The following SCHIP1 variants were observed in gnomAD, a reference collection of about 807,000 sequenced individuals.
SCHIP1 encodes the protein schwannomin-interacting protein 1.
SCHIP1 carries 8 observed loss-of-function variants against 29.7 expected under a neutral mutation model. That is an observed-to-expected ratio of 0.27 (90% confidence interval 0.16 to 0.49). SCHIP1 has a LOEUF of 0.49. Ranked by LOEUF, SCHIP1 falls within the 20% of genes least tolerant of loss-of-function variation. The pLI is 0.99. For synonymous variants in SCHIP1, 76 were observed against 94.9 expected, an observed-to-expected ratio of 0.80 and a Z score of 1.16; for missense variants, 193 against 294.6, an observed-to-expected ratio of 0.66 and a Z score of 2.52.
At chr3:159,658,235 C>T in the SCHIP1 span, among the ~76,000 whole-genome samples, 4 of 152,276 alleles carry the variant, frequency 2.6e-5, no homozygotes, top group African/African-American at 7.2e-5. Flanking sequence ...CTGGCTTTTT[C>T]ACCAGTCCCC....
chr3:159,459,530 A>T, the SCHIP1 span, among the ~76,000 whole-genome samples: 2 of 147,066 alleles, frequency 1.4e-5, no homozygotes, highest in South Asian at 4.3e-4. Context: ...TGAACAAGTT[A>T]TTATAGTACC....
At chr3:159,386,817 A>G in the SCHIP1 span, 2 of 152,634 alleles carry the variant, frequency 1.3e-5, no homozygotes, top group African/African-American at 2.4e-5. Context: ...GGTCTTTACA[A>G]GATGGTCAGT....
the SCHIP1 span, among the ~76,000 whole-genome samples, chr3:159,405,218 T>C: frequency 0.37 from 55,720 of 151,948 alleles, 11,559 homozygotes; most frequent in East Asian, 0.49. Context: ...AATGCCTAAC[T>C]CTTCATTGCC....
At chr3:159,599,451 C>T in the SCHIP1 span, among the ~76,000 whole-genome samples, 1 of 152,092 alleles carries the variant, frequency 6.6e-6, no homozygotes, top group Non-Finnish European at 1.5e-5. Context: ...CATTCTTATG[C>T]CTTTGCACCC....
the SCHIP1 span, among the ~76,000 whole-genome samples, chr3:159,740,482 A>T: frequency 6.6e-6 from 1 of 152,168 alleles, no homozygotes; most frequent in African/African-American, 2.4e-5. Flanking sequence ...TTGCCAACCC[A>T]CAGCCTGTCT....
chr3:159,285,495 T>C, the SCHIP1 span, among the ~76,000 whole-genome samples: 1 of 152,146 alleles, frequency 6.6e-6, no homozygotes, highest in Non-Finnish European at 1.5e-5. Flanking sequence ...TTTTCACTAA[T>C]CAAGAGCTCA....
chr3:159,673,337 A>G, the SCHIP1 span, among the ~76,000 whole-genome samples: 2 of 152,228 alleles, frequency 1.3e-5, no homozygotes, highest in Non-Finnish European at 2.9e-5. Context: ...CACTTCAAAG[A>G]AAATGCACTG....
At chr3:159,310,347 G>A in the SCHIP1 span, among the ~76,000 whole-genome samples, 10 of 152,150 alleles carry the variant, frequency 6.6e-5, 1 homozygote, top group East Asian at 5.8e-4. Flanking sequence ...TCGCAGCCAT[G>A]TTACTTCATT....
the SCHIP1 span, among the ~76,000 whole-genome samples, chr3:159,474,044 T>C: frequency 7.2e-5 from 11 of 152,142 alleles, no homozygotes; most frequent in Non-Finnish European, 1.6e-4. Context: ...TGGACACTTA[T>C]TCACTCTGAA....
chr3:159,658,053 T>C, the SCHIP1 span, among the ~76,000 whole-genome samples: 5 of 152,224 alleles, frequency 3.3e-5, no homozygotes, highest in Non-Finnish European at 7.3e-5. Flanking sequence ...TGTTAGGTAC[T>C]AGAAAGAGCA....
At chr3:159,712,333 G>A in the SCHIP1 span, among the ~76,000 whole-genome samples, 4 of 152,142 alleles carry the variant, frequency 2.6e-5, no homozygotes, top group Non-Finnish European at 4.4e-5. Flanking sequence ...GTATTTTTAC[G>A]CAAAGATCAT....
the SCHIP1 span, among the ~76,000 whole-genome samples, chr3:159,668,573 G>T: frequency 6.6e-6 from 1 of 152,070 alleles, no homozygotes; most frequent in East Asian, 1.9e-4. Flanking sequence ...CTGGGCTTTT[G>T]CAAGTTCTTA....
the SCHIP1 span, among the ~76,000 whole-genome samples, chr3:159,489,273 T>C: frequency 1.6e-4 from 24 of 152,198 alleles, no homozygotes; most frequent in Non-Finnish European, 2.9e-4. Context: ...TCTCTGTGAA[T>C]TTGTGTTCTA....
chr3:159,684,208 C>T, the SCHIP1 span, among the ~76,000 whole-genome samples: 4 of 152,132 alleles, frequency 2.6e-5, no homozygotes, highest in African/African-American at 9.7e-5. Context: ...GACTAGAGAC[C>T]ACCCCTACAT....
At chr3:159,666,813 G>A in the SCHIP1 span, among the ~76,000 whole-genome samples, 1 of 152,200 alleles carries the variant, frequency 6.6e-6, no homozygotes, top group African/African-American at 2.4e-5. Context: ...TGGCCAGAGA[G>A]CAATGGTGAG....
At chr3:159,498,669 A>T in the SCHIP1 span, among the ~76,000 whole-genome samples, 2 of 145,316 alleles carry the variant, frequency 1.4e-5, no homozygotes, top group South Asian at 2.2e-4. Flanking sequence ...CACTTTGCCT[A>T]AAAAAAAAAA....
chr3:159,507,008 T>G, the SCHIP1 span, among the ~76,000 whole-genome samples: 1 of 152,198 alleles, frequency 6.6e-6, no homozygotes, highest in African/African-American at 2.4e-5. Context: ...GTGAACAAAG[T>G]CATTGGTAGC....
chr3:159,845,967 A>AT (rs922537941), intron 1 of SCHIP1: 58 of 152,316 alleles, frequency 3.8e-4, no homozygotes, highest in African/African-American at 1.3e-3. Flanking sequence ...ATGTGCCAGA[A>AT]TTGGGGGTGC....
chr3:159,624,585 C>T, the SCHIP1 span, among the ~76,000 whole-genome samples: 1 of 152,116 alleles, frequency 6.6e-6, no homozygotes, highest in African/African-American at 2.4e-5. Flanking sequence ...ACCCAAAATT[C>T]ATGGATTATC....
Sources: allele counts gnomAD v4.1 joint callset (sites outside exome capture counted in the v4.1 genomes callset), GRCh38; gene constraint gnomAD v4.1.1; transcripts MANE v1.5; gene names NCBI Gene and HGNC (gene_info 2026-07-23, HGNC 2026-07-21).